Variants in FAT1 observed in about 807,000 individuals in gnomAD.
FAT1 encodes protocadherin Fat 1.
In FAT1, 171 loss-of-function variants were observed where a neutral mutation model predicts 329.8. The ratio of observed to expected loss-of-function variants is 0.52; its 90% CI spans 0.46 to 0.59. FAT1 has a LOEUF of 0.59. Ranked by LOEUF, FAT1 falls within the 20% of genes least tolerant of loss-of-function variation. FAT1 has a pLI of 0.00. For synonymous variants in FAT1, 2,233 were observed against 2,228.6 expected, an observed-to-expected ratio of 1.00 and a Z score of -0.06; for missense variants, 5,672 against 5,774.4, an observed-to-expected ratio of 0.98 and a Z score of 0.57.
At position 186,619,114 on chromosome 4, in the gene FAT1, G is replaced by C. The variant is rs760291675; in HGVS notation, c.7472C>G (p.Ala2491Gly). The C allele has an allele frequency of 6.2e-7, 1 of 1,613,996 alleles. No homozygotes were observed. Among genetic ancestry groups the C allele is most frequent in the African/African-American group, 1.3e-5 (1 of 75,056 alleles). ...CACTTCATATTCGTTCTGAAGGAAAGCAGGACTGTGCAAATTGCCTCCAAT... is the reference window on the plus strand; with the variant it reads ...CACTTCATATTCGTTCTGAAGGAAACCAGGACTGTGCAAATTGCCTCCAAT... ...TVIGGNLHSP[A>G]FLQNEYEVEL... Residue 2491 changes from alanine (A) to glycine (G), a missense_variant, in exon 10 of 27, where the codon GCT becomes GGT. Ala to Gly is a moderately conservative substitution (Grantham distance 60). Around this residue, in one of 2 missense-constraint regions of FAT1, gnomAD observed 3,966 missense variants for 3,915.2 expected, o/e 1.01. Coordinates refer to ENST00000441802, the MANE Select transcript of FAT1 (RefSeq NM_005245.4).
chr4:186,668,252 G>A (rs188991424), intron 2 of FAT1, among the ~76,000 whole-genome samples: 1 of 152,270 alleles, frequency 6.6e-6, no homozygotes, highest in African/African-American at 2.4e-5. Flanking sequence ...TGGACCTATG[G>A]CACTAGCCCG....
intron 2 of FAT1, among the ~76,000 whole-genome samples, 167 bp from the exon 3 acceptor site, chr4:186,663,780 A>G (rs1742300848): frequency 6.6e-6 from 1 of 152,192 alleles, no homozygotes; most frequent in Non-Finnish European, 1.5e-5. Context: ...CCTTTCTTCT[A>G]AAATAGAGAC....
At chr4:186,722,612 G>A (rs562893346) in intron 1 of FAT1, among the ~76,000 whole-genome samples, 1 of 152,308 alleles carries the variant, frequency 6.6e-6, no homozygotes, top group African/African-American at 2.4e-5. Context: ...ACAACTGGAT[G>A]TGTTGGACAG....
intron 26 of FAT1, among the ~76,000 whole-genome samples, chr4:186,594,457 G>A (rs1284468608): frequency 6.6e-6 from 1 of 151,690 alleles, no homozygotes; most frequent in Non-Finnish European, 1.5e-5. Flanking sequence ...AGAGCATTTA[G>A]GGGCCAAGAT....
chr4:186,611,890 C>T, intron 13 of FAT1, 115 bp from the exon 14 acceptor site: 1 of 722,706 alleles, frequency 1.4e-6, no homozygotes, highest in East Asian at 2.9e-5. Context: ...GTGGCGTGAT[C>T]TTGGCTCACT....
intron 10 of FAT1, among the ~76,000 whole-genome samples, 193 bp from the exon 11 acceptor site, chr4:186,617,394 C>T (rs559064093): frequency 6.6e-6 from 1 of 152,268 alleles, no homozygotes; most frequent in Admixed American, 6.5e-5. Context: ...ATAAACATAG[C>T]ATTAAGACTA....
In FAT1 at chr4:186,708,488, G is replaced by C. The variant is rs372605416; in HGVS notation, c.1340C>G (p.Thr447Ser). Residue 447 changes from threonine to serine, a missense_variant, in exon 2 of 27, where the codon ACC becomes AGC. By Grantham distance (58) the Thr-to-Ser change is moderately conservative. Around this residue, in one of 2 missense-constraint regions of FAT1, gnomAD observed 3,966 missense variants for 3,915.2 expected, o/e 1.01. Coordinates refer to ENST00000441802, the MANE Select transcript of FAT1 (RefSeq NM_005245.4). The stretch of plus-strand genomic sequence containing the variant: ...ACCTAAGACTTTCACCAAGACCTTG[G>C]TGGACGCTTTTCTGTCACTTGTTGT... The part of the protein sequence containing the change: ...EVTTSDRKAS[T>S]KVLVKVLGAN... The C allele has an allele frequency of 3.4e-5, 55 of 1,613,856 alleles. No homozygotes were observed. The highest frequency in any genetic ancestry group is 4.7e-5 in the Non-Finnish European group (55 of 1,179,898).
chr4:186,667,075 C>T (rs1012107536), intron 2 of FAT1, among the ~76,000 whole-genome samples: 1 of 152,224 alleles, frequency 6.6e-6, no homozygotes, highest in African/African-American at 2.4e-5. Flanking sequence ...CACTCATACA[C>T]AATAGCTTTC....
In FAT1 at chr4:186,613,099, CG is replaced by C. The variant is rs1022804110; in HGVS notation, c.9463+9del. On this transcript the variant is annotated intron_variant, in intron 13 of 26. Transcript: ENST00000441802. ...GAGCAGCGTCAGGCAAGAGCATTCC[CG>C]GGAGATACCTGCGTCGGCATCTGTG... 1 of 1,593,716 alleles carries C rather than the reference CG, an allele frequency of 6.3e-7. No individual in the cohort carries two copies.
intron 2 of FAT1, among the ~76,000 whole-genome samples, chr4:186,667,077 A>G (rs1446045993): frequency 6.6e-6 from 1 of 152,260 alleles, no homozygotes; most frequent in East Asian, 1.9e-4. Context: ...CTCATACACA[A>G]TAGCTTTCTC....
rs201854983 is a variant in FAT1 at position 186,606,165 on chromosome 4, G to A, written c.10255C>T (p.Pro3419Ser). 2.2e-5 allele frequency: 36 copies of A among 1,612,892 alleles called. No homozygotes were observed. The African/African-American group carries it at 4.7e-4, about 21-fold the overall frequency. Residue 3419 changes from proline to serine, a missense_variant, in exon 17 of 27, where the codon CCC becomes TCC. Pro to Ser is a moderately conservative substitution (Grantham distance 74). This residue lies in a region of FAT1 where 1,706 missense variants were observed against 1,859.1 expected (regional missense o/e 0.92). Transcript: ENST00000441802. ...TVQASDNGSP[P>S]RVNTTTVNID... ...TTCACGGTCGTCGTGTTGACTCTGGGTGGACTGCCATTATCAGAAGCTTGA... is the reference window on the plus strand; with the variant it reads ...TTCACGGTCGTCGTGTTGACTCTGGATGGACTGCCATTATCAGAAGCTTGA...
At chr4:186,698,474 A>G (rs952201716) in intron 2 of FAT1, among the ~76,000 whole-genome samples, 4 of 152,244 alleles carry the variant, frequency 2.6e-5, no homozygotes, top group African/African-American at 9.6e-5. Flanking sequence ...AAACAATTAC[A>G]CTAGAGTGAT....
rs745765579 is a variant in FAT1, at chr4:186,620,506, C to T, written c.6080G>A (p.Arg2027His). Residue 2027 changes from arginine (R) to histidine (H), a missense_variant, in exon 10 of 27, where the codon CGC (arginine) becomes CAC (histidine). Coordinates refer to ENST00000441802, the MANE Select transcript of FAT1 (RefSeq NM_005245.4). ...AGTGGTTGACAGAACTCCTGAAGTG[C>T]GGCTTATTTTAAATCTGCGATCTGG... ...LNPDRRFKIS[R>H]TSGVLSTTGT... 3.1e-6 allele frequency: 5 copies of T among 1,613,982 alleles called. No homozygotes were observed. The highest frequency in any genetic ancestry group is 3.4e-6 in the Non-Finnish European group (4 of 1,179,890).
At position 186,597,154 on chromosome 4, in the gene FAT1, T is replaced by A. The variant is rs1448411899; in HGVS notation, c.12386A>T (p.Asp4129Val). 6.2e-7 allele frequency: 1 copy of A among 1,608,614 alleles called. No homozygotes were observed. The highest frequency in any genetic ancestry group is 1.1e-5 in the South Asian group (1 of 89,986). The part of the protein sequence containing the change: ...FRGERCQSDI[D>V]ECSGNPCLHG... ...CAGGCAAGGGTTTCCAGAGCACTCG[T>A]CGATATCACTCTGACACCTGCCAAG... The change falls in exon 25 of 27, where the codon GAC becomes GTC. Residue 4129 changes from aspartate to valine, a missense_variant. This residue lies in a region of FAT1 where 1,706 missense variants were observed against 1,859.1 expected (regional missense o/e 0.92). Coordinates refer to ENST00000441802, the MANE Select transcript of FAT1 (RefSeq NM_005245.4).
intron 2 of FAT1, among the ~76,000 whole-genome samples, chr4:186,672,731 T>C (rs1742788457): frequency 6.6e-6 from 1 of 152,192 alleles, no homozygotes; most frequent in African/African-American, 2.4e-5. Context: ...CACAGTCCAT[T>C]AGTGGGGAAC....
At position 186,618,660 on chromosome 4, in the gene FAT1, T is replaced by C. The variant is rs767797099; in HGVS notation, c.7926A>G (p.Val2642=). The C allele has an allele frequency of 1.9e-6, 3 of 1,614,046 alleles. No individual in the cohort carries two copies. Among genetic ancestry groups the C allele is most frequent in the Non-Finnish European group, 2.5e-6 (3 of 1,179,896 alleles). The change falls in exon 10 of 27, where the codon GTA becomes GTG. Residue 2642 remains valine (V), a synonymous_variant. Coordinates refer to ENST00000441802, the MANE Select transcript of FAT1 (RefSeq NM_005245.4). ...GTTTGTTAATTTCCAAATTCTCTTT[T>C]ACACTTTCAGAGTCTGCTTCAATGG... The part of the protein sequence containing the change: ...TYAIEADSES[V]KENLEINKLS...
intron 2 of FAT1, among the ~76,000 whole-genome samples, chr4:186,683,953 T>C (rs73873688): frequency 0.013 from 2,031 of 152,170 alleles, 40 homozygotes; most frequent in African/African-American, 0.047. Flanking sequence ...GTTTTTCAGC[T>C]GTTTTTCAAT....
chr4:186,638,111 T>C (rs1438876010), intron 4 of FAT1, among the ~76,000 whole-genome samples: 1 of 145,908 alleles, frequency 6.9e-6, no homozygotes. Flanking sequence ...ATGGAGACAC[T>C]ATCTTTAAGA....
intron 1 of FAT1, among the ~76,000 whole-genome samples, chr4:186,714,020 T>C (rs2126713096): frequency 6.6e-6 from 1 of 152,248 alleles, no homozygotes; most frequent in African/African-American, 2.4e-5. Flanking sequence ...CCGTCTGGAC[T>C]CATGGATAAA....
Sources: allele counts gnomAD v4.1 joint callset (sites outside exome capture counted in the v4.1 genomes callset), GRCh38; gene constraint gnomAD v4.1.1; regional missense constraint gnomAD v4.1.1; transcripts MANE v1.5; gene names NCBI Gene and HGNC (gene_info 2026-07-23, HGNC 2026-07-21).